Variants in DIAPH3 observed in about 807,000 individuals in gnomAD.
DIAPH3 encodes diaphanous related formin 3.
DIAPH3 carries 117 observed loss-of-function variants against 144.3 expected under a neutral mutation model. The observed-to-expected ratio is 0.81, with a 90% confidence interval of 0.70 to 0.95. The LOEUF (loss-of-function observed/expected upper bound fraction) is 0.95, where lower values mean the gene tolerates loss of function less well. Among genes scored for constraint, DIAPH3 ranks in the 40% least tolerant of loss-of-function variants. The pLI is 0.00. For synonymous variants in DIAPH3, 519 were observed against 488.9 expected (o/e 1.06, Z -0.81); for missense variants, 1,421 against 1,412.7 (o/e 1.01, Z -0.09).
rs145376467 is a variant in DIAPH3 at position 59,781,641 on chromosome 13, C to T, written c.3164-6818G>A. Among the ~76,000 whole-genome samples, 526 of 152,266 alleles carry T rather than the reference C, an allele frequency of 3.5e-3. 6 individuals are homozygous for T. Among genetic ancestry groups the T allele is most frequent in the Middle Eastern group, 0.017 (5 of 294 alleles). On this transcript the variant is annotated intron_variant, in intron 25 of 27. Coordinates refer to ENST00000400324, the MANE Select transcript of DIAPH3 (RefSeq NM_001042517.2). ...TGTCGGACCATTTGCAAAATGATTG[C>T]TGATTATTTCCCAGATCCATTGAAG...
chr13:59,698,480 T>C (rs2138733084), intron 27 of DIAPH3, among the ~76,000 whole-genome samples: 1 of 152,218 alleles, frequency 6.6e-6, no homozygotes, highest in South Asian at 2.1e-4. Context: ...CATTTGAAAA[T>C]CAGAGCTACC....
At chr13:59,942,940 T>A (rs2140392707) in intron 17 of DIAPH3, among the ~76,000 whole-genome samples, 1 of 152,322 alleles carries the variant, frequency 6.6e-6, no homozygotes, top group East Asian at 1.9e-4. Context: ...TTTAGCTATT[T>A]TCCTTATTAA....
intron 9 of DIAPH3, among the ~76,000 whole-genome samples, chr13:60,003,552 T>C (rs553335801): frequency 6.7e-5 from 10 of 150,186 alleles, no homozygotes; most frequent in Admixed American, 2.0e-4. Flanking sequence ...TATCTATATA[T>C]AGATAGATAG....
Position 60,163,878 on chromosome 13 carries a change from T to G in DIAPH3, c.-112A>C. ...CTCCCGGGGTCCGCCACCCAAACAG[T>G]CAGCACAGCCTAGCCCAACCGCTGA... is the stretch of plus-strand genomic sequence containing the variant. On this transcript the variant is annotated 5_prime_UTR_variant, in exon 1 of 28. Transcript: ENST00000400324. 1 of 1,384,284 alleles carries G rather than the reference T, an allele frequency of 7.2e-7. No homozygotes were observed. The highest frequency in any genetic ancestry group is 1.4e-5 in the African/African-American group (1 of 70,258). The allele number at this position is 1,384,284 out of a possible 1,614,324, so 85.8% of individuals were successfully genotyped here.
rs1306601219 is a variant in DIAPH3, at chr13:59,819,011, A to G, written c.3028-8088T>C. 2.6e-5 allele frequency among the ~76,000 whole-genome samples: 4 copies of G among 151,598 alleles called. No individual in the cohort carries two copies. In the East Asian group the frequency reaches 7.7e-4, roughly 29 times the overall value. On this transcript the variant is annotated intron_variant, in intron 24 of 27. Coordinates refer to ENST00000400324, the MANE Select transcript of DIAPH3 (RefSeq NM_001042517.2). ...TCTGGGGTCTTGGAGGCCTATATGT[A>G]TTACTTTTTCTGATCATTTCACCAA...
At chr13:59,749,775 T>G (rs1032757439) in intron 27 of DIAPH3, among the ~76,000 whole-genome samples, 1 of 151,828 alleles carries the variant, frequency 6.6e-6, no homozygotes, top group Non-Finnish European at 1.5e-5. Context: ...AAATTTCAAG[T>G]TTTTTCTCCT....
chr13:59,752,660 A>T (rs553990387), intron 27 of DIAPH3, among the ~76,000 whole-genome samples: 1 of 152,280 alleles, frequency 6.6e-6, no homozygotes, highest in East Asian at 1.9e-4. Context: ...GAGCCACTGC[A>T]CCCAGCTAAT....
rs144573810 is a variant in DIAPH3, at chr13:59,990,781, T to C, written c.1361+377A>G. On this transcript the variant is annotated intron_variant, in intron 12 of 27. Transcript: ENST00000400324. The stretch of plus-strand genomic sequence containing the variant: ...GTATTATTAAGACTTGCCAGCTACT[T>C]AAACACTAATAAAAGCAATGTTTAG... Among the ~76,000 whole-genome samples the C allele has an allele frequency of 8.2e-3, 1,255 of 152,148 alleles. 55 individuals are homozygous for C. Among genetic ancestry groups the C allele is most frequent in the Admixed American group, 0.069 (1,051 of 15,248 alleles).
chr13:59,992,715 TTCAG>T lies in DIAPH3; in HGVS notation c.1015-136_1015-133del, dbSNP rs1484430213. ...TTAAAACAATTTGTAAGCAAAATAT[TTCAG>T]TCAGTTATAAACTACAGAAGAAATA... is the stretch of plus-strand genomic sequence containing the variant. On this transcript the variant is annotated intron_variant, in intron 9 of 27. Coordinates refer to ENST00000400324, the MANE Select transcript of DIAPH3 (RefSeq NM_001042517.2). 6 of 735,358 alleles carry T rather than the reference TTCAG, an allele frequency of 8.2e-6. No homozygotes were observed. In the African/African-American group the frequency reaches 8.8e-5, roughly 11 times the overall value. 45.6% of individuals were successfully genotyped at this position (735,358 alleles called of 1,614,324 possible). A position where few individuals can be genotyped will look rare whatever the true frequency, so the allele number is the denominator to read the frequency against.
chr13:59,926,424 T>C (rs2047756628), intron 17 of DIAPH3, among the ~76,000 whole-genome samples: 2 of 152,270 alleles, frequency 1.3e-5, no homozygotes, highest in Admixed American at 6.5e-5. Context: ...ATTTGAAATC[T>C]ATTTTTTATG....
At chr13:59,679,193 CTTCAG>C (rs1301873840) in intron 27 of DIAPH3, among the ~76,000 whole-genome samples, 2 of 152,202 alleles carry the variant, frequency 1.3e-5, no homozygotes, top group East Asian at 1.9e-4. Flanking sequence ...GTCAATGTCA[CTTCAG>C]TTATTTTTTT....
At chr13:59,811,130 C>T (rs2040451706) in intron 24 of DIAPH3, among the ~76,000 whole-genome samples, 2 of 152,006 alleles carry the variant, frequency 1.3e-5, no homozygotes, top group Non-Finnish European at 2.9e-5. Context: ...TGTTATTAAA[C>T]TTAAACCTGC....
chr13:60,059,611 T>C (rs1409988887), intron 4 of DIAPH3, among the ~76,000 whole-genome samples: 3 of 151,960 alleles, frequency 2.0e-5, no homozygotes, highest in Non-Finnish European at 4.4e-5. Context: ...GGATCTTCAG[T>C]ATACCTCTAG....
At chr13:59,790,873 C>G (rs543055746) in intron 25 of DIAPH3, among the ~76,000 whole-genome samples, 85 of 152,256 alleles carry the variant, frequency 5.6e-4, no homozygotes, top group African/African-American at 1.5e-3. Flanking sequence ...TCCCTCCCCC[C>G]GCTCCACAAC....
intron 3 of DIAPH3, among the ~76,000 whole-genome samples, chr13:60,108,264 T>C (rs1022720098): frequency 6.6e-6 from 1 of 152,174 alleles, no homozygotes; most frequent in Non-Finnish European, 1.5e-5. Flanking sequence ...AATCCTTAAC[T>C]CAGCACATGT....
intron 26 of DIAPH3, 53 bp from the exon 27 acceptor site, chr13:59,774,301 G>A (rs2038279071): frequency 3.4e-6 from 5 of 1,463,098 alleles, no homozygotes; most frequent in Admixed American, 3.5e-5. Context: ...GGCATCTCAA[G>A]AAGGAAAACA....
At chr13:60,159,542 T>G (rs1344816161) in intron 1 of DIAPH3, among the ~76,000 whole-genome samples, 1 of 151,652 alleles carries the variant, frequency 6.6e-6, no homozygotes, top group Non-Finnish European at 1.5e-5. Context: ...GAGAACTGCT[T>G]GAGCCCAGGA....
At chr13:59,792,806 G>T (rs1456434118) in intron 25 of DIAPH3, among the ~76,000 whole-genome samples, 1 of 151,958 alleles carries the variant, frequency 6.6e-6, no homozygotes, top group Non-Finnish European at 1.5e-5. Context: ...TACTTTTTCA[G>T]ACTCCCACTA....
chr13:59,845,659 G>C (rs1210129358), intron 22 of DIAPH3, among the ~76,000 whole-genome samples: 1 of 152,140 alleles, frequency 6.6e-6, no homozygotes, highest in East Asian at 1.9e-4. Flanking sequence ...AATAATGTGT[G>C]TCTATCTGCC....
Sources: gnomAD v4.1 joint callset for allele counts (sites outside exome capture counted in the v4.1 genomes callset) on GRCh38, gnomAD v4.1.1 for gene constraint, MANE v1.5 for transcripts, NCBI Gene and HGNC (gene_info 2026-07-23, HGNC 2026-07-21) for gene names.